Variants in SMCHD1 observed in about 807,000 individuals in gnomAD.
The protein encoded by SMCHD1 is structural maintenance of chromosomes flexible hinge domain containing 1, also known as structural maintenance of chromosomes flexible hinge domain-containing protein 1.
Under a neutral mutation model 254.7 loss-of-function variants are expected in SMCHD1, and 78 were observed. That is an observed-to-expected ratio of 0.31 (90% CI 0.26 to 0.37). The LOEUF is 0.37. Ranked by LOEUF, SMCHD1 falls within the 10% of genes least tolerant of loss-of-function variation. The probability of loss-of-function intolerance (pLI) is 1.00; values close to 1 mark genes in which losing one functional copy is unlikely to be tolerated. For synonymous variants in SMCHD1, 766 were observed against 794.9 expected (o/e 0.96, Z 0.61); for missense variants, 1,840 against 2,408.1 (o/e 0.76, Z 4.94).
chr18:2,697,458 A>G (rs1274504685), intron 9 of SMCHD1, among the ~76,000 whole-genome samples: 2 of 152,214 alleles, frequency 1.3e-5, no homozygotes, highest in African/African-American at 4.8e-5. Flanking sequence ...CGTGGTGACA[A>G]GGTTTAGCAG....
At chr18:2,673,253 T>G in intron 3 of SMCHD1, 28 bp from the exon 4 acceptor site, 1 of 1,564,322 alleles carries the variant, frequency 6.4e-7, no homozygotes, top group Non-Finnish European at 8.7e-7. Context: ...AGGGAAAAGT[T>G]AAGCAATGTT....
At chr18:2,761,355 C>T (rs183976792) in intron 35 of SMCHD1, among the ~76,000 whole-genome samples, 2 of 152,252 alleles carry the variant, frequency 1.3e-5, no homozygotes, top group East Asian at 1.9e-4. Context: ...AAGCCCAAAC[C>T]TCAGCATCCT....
At chr18:2,661,344 AAAAAG>A (rs981264536) in intron 1 of SMCHD1, among the ~76,000 whole-genome samples, 2 of 152,236 alleles carry the variant, frequency 1.3e-5, no homozygotes, top group African/African-American at 4.8e-5. Flanking sequence ...TTAAAAAAAA[AAAAAG>A]ATAGTTTGTG....
At chr18:2,671,844 C>T (rs780227393) in intron 3 of SMCHD1, among the ~76,000 whole-genome samples, 6 of 152,082 alleles carry the variant, frequency 3.9e-5, no homozygotes, top group South Asian at 2.1e-4. Flanking sequence ...AAGATCCGCC[C>T]GCCTTGGCCT....
At chr18:2,777,749 T>C in intron 42 of SMCHD1, 57 bp from the exon 43 acceptor site, 1 of 959,282 alleles carries the variant, frequency 1.0e-6, no homozygotes, top group Non-Finnish European at 1.5e-6. Flanking sequence ...TATTGTCTTT[T>C]TTTAAATTTA....
At chr18:2,657,788 C>T (rs2073116524) in intron 1 of SMCHD1, among the ~76,000 whole-genome samples, 1 of 152,174 alleles carries the variant, frequency 6.6e-6, no homozygotes, top group African/African-American at 2.4e-5. Context: ...AACCGAATCT[C>T]TCCTTTCTGT....
chr18:2,729,153 A>G lies in SMCHD1; in HGVS notation c.2914-122A>G, dbSNP rs533044783. 3 of 725,292 alleles carry G rather than the reference A, an allele frequency of 4.1e-6. No individual in the cohort carries two copies. The African/African-American group carries it at 5.5e-5, about 13-fold the overall frequency. 44.9% of individuals were successfully genotyped at this position (725,292 alleles called of 1,614,324 possible). On this transcript the variant is annotated intron_variant, in intron 23 of 47. Coordinates refer to ENST00000320876, the MANE Select transcript of SMCHD1 (RefSeq NM_015295.3). ...TCTAGAGTTTTAGTGACTTTTACTTAGAATTTTCTTATTCATTGCCAGAAA... is the reference window on the plus strand; with the variant it reads ...TCTAGAGTTTTAGTGACTTTTACTTGGAATTTTCTTATTCATTGCCAGAAA...
At chr18:2,762,492 C>CTTTT (rs10708453) in intron 36 of SMCHD1, among the ~76,000 whole-genome samples, 2 of 126,838 alleles carry the variant, frequency 1.6e-5, no homozygotes, top group South Asian at 2.5e-4. Context: ...ATCTGCCTAC[C>CTTTT]TTTTTTTTTT....
intron 8 of SMCHD1, among the ~76,000 whole-genome samples, chr18:2,695,934 C>T (rs2074276689): frequency 6.6e-6 from 1 of 152,026 alleles, no homozygotes; most frequent in Non-Finnish European, 1.5e-5. Flanking sequence ...TCTTCAAGTA[C>T]ATATTTTATT....
At chr18:2,678,209 T>TTTTCTTTCTTTC (rs149849879) in intron 5 of SMCHD1, among the ~76,000 whole-genome samples, 2 of 110,538 alleles carry the variant, frequency 1.8e-5, no homozygotes, top group African/African-American at 6.1e-5. Flanking sequence ...CTTTTCTTTC[T>TTTTCTTTCTTTC]TTTCTTTCTT....
intron 25 of SMCHD1, among the ~76,000 whole-genome samples, chr18:2,734,009 A>G (rs922569926): frequency 1.3e-5 from 2 of 152,322 alleles, no homozygotes; most frequent in East Asian, 1.9e-4. Flanking sequence ...GGTATACACC[A>G]TACCCATCTT....
In SMCHD1 at chr18:2,744,826, GTTTGT is replaced by G. The variant is rs202064298; in HGVS notation, c.3801+917_3801+921del. On this transcript the variant is annotated intron_variant, in intron 29 of 47. Transcript: ENST00000320876. ...ATAGCAGGGCTTTAATGGTTTTTTTGTTTGTTTTGTTTTGTTTTGTTTTTGTTTTG... is the reference window on the plus strand; with the variant it reads ...ATAGCAGGGCTTTAATGGTTTTTTTGTTTGTTTTGTTTTGTTTTTGTTTTG... 9.8e-4 allele frequency among the ~76,000 whole-genome samples: 149 copies of G among 152,030 alleles called. 2 individuals are homozygous for G. In the East Asian group the frequency reaches 0.025, roughly 25 times the overall value.
chr18:2,673,236 A>G (rs892522733), intron 3 of SMCHD1, 45 bp from the exon 4 acceptor site: 3 of 1,536,378 alleles, frequency 2.0e-6, no homozygotes, highest in Non-Finnish European at 2.6e-6. Context: ...TATATAAAGT[A>G]TGTGGGAGGG....
intron 7 of SMCHD1, among the ~76,000 whole-genome samples, chr18:2,689,856 A>T (rs2074135386): frequency 1.1e-5 from 1 of 94,352 alleles, no homozygotes; most frequent in Non-Finnish European, 2.5e-5. Context: ...CTCTACTAAA[A>T]AAAAAAAAAA....
chr18:2,762,080 C>A, intron 35 of SMCHD1, 25 bp from the exon 36 acceptor site: 1 of 1,604,694 alleles, frequency 6.2e-7, no homozygotes, highest in South Asian at 1.1e-5. Context: ...TATTGTTAAT[C>A]AGAATGTCTC....
chr18:2,663,925 C>T (rs1389216360), intron 1 of SMCHD1, among the ~76,000 whole-genome samples: 1 of 152,096 alleles, frequency 6.6e-6, no homozygotes, highest in Non-Finnish European at 1.5e-5. Flanking sequence ...CCGTGTTAGC[C>T]AGGATGGTCT....
intron 30 of SMCHD1, 140 bp downstream of exon 30, chr18:2,747,787 CAAAAATTTTTA>C: frequency 4.0e-6 from 3 of 747,616 alleles, no homozygotes. Flanking sequence ...AAATAAACCT[CAAAAATTTTTA>C]AAATTATTTT....
chr18:2,787,144 A>AG (rs1225568728), intron 45 of SMCHD1, among the ~76,000 whole-genome samples: 1 of 152,208 alleles, frequency 6.6e-6, no homozygotes. Flanking sequence ...CAGTAGATGA[A>AG]GAGCTGGCAT....
chr18:2,685,501 G>T (rs2074032139), intron 5 of SMCHD1, among the ~76,000 whole-genome samples: 2 of 152,028 alleles, frequency 1.3e-5, no homozygotes, highest in African/African-American at 4.8e-5. Context: ...ATAATTCCAT[G>T]ACATTAATTA....
Sources: gnomAD v4.1 joint callset for allele counts (sites outside exome capture counted in the v4.1 genomes callset) on GRCh38, gnomAD v4.1.1 for gene constraint, MANE v1.5 for transcripts, NCBI Gene and HGNC (gene_info 2026-07-23, HGNC 2026-07-21) for gene names.